Variants in UNC5C observed in about 807,000 individuals in gnomAD.
UNC5C encodes the protein netrin receptor UNC5C.
A neutral mutation model predicts 99.8 loss-of-function variants in UNC5C; 47 were observed. That is an observed-to-expected ratio of 0.47 (90% confidence interval 0.37 to 0.60). UNC5C has a LOEUF of 0.60. UNC5C is among the 20% of genes least tolerant of loss of function. The pLI is 0.00. For missense variants in UNC5C, 1,062 were observed against 1,165.9 expected (o/e 0.91, Z 1.30); for synonymous variants, 487 against 452.2 (o/e 1.08, Z -0.98).
chr4:95,478,747 T>C (rs967019114), intron 1 of UNC5C, among the ~76,000 whole-genome samples: 1 of 152,038 alleles, frequency 6.6e-6, no homozygotes, highest in African/African-American at 2.4e-5. Context: ...TGATATAGTT[T>C]GAATATCTAT....
chr4:95,445,830 G>A lies in UNC5C; in HGVS notation c.124+102904C>T, dbSNP rs190906925. ...AGAAGTAAGTCTTCAGCTGCTCAGTGAAACACAGGTGTTCAGTGCTGGAGC... is the reference window on the plus strand; with the variant it reads ...AGAAGTAAGTCTTCAGCTGCTCAGTAAAACACAGGTGTTCAGTGCTGGAGC... On this transcript the variant is annotated intron_variant, in intron 1 of 15. Transcript: ENST00000453304. Among the ~76,000 whole-genome samples, 199 of 152,252 alleles carry A rather than the reference G, an allele frequency of 1.3e-3. 1 individual carries two copies. Among genetic ancestry groups the A allele is most frequent in the African/African-American group, 4.7e-3 (197 of 41,544 alleles).
intron 1 of UNC5C, among the ~76,000 whole-genome samples, chr4:95,356,226 A>AAAAAAAAAAAAAAAAAAAAC (rs1371053400): frequency 2.1e-5 from 3 of 144,710 alleles, no homozygotes; most frequent in Non-Finnish European, 4.6e-5. Context: ...AACAAAAAAA[A>AAAAAAAAAAAAAAAAAAAAC]AACAGATTCC....
intron 1 of UNC5C, among the ~76,000 whole-genome samples, chr4:95,420,110 A>G (rs1466583322): frequency 2.0e-5 from 3 of 152,196 alleles, no homozygotes; most frequent in African/African-American, 4.8e-5. Context: ...AGCAATTAGT[A>G]TGTGTTAATT....
intron 1 of UNC5C, among the ~76,000 whole-genome samples, chr4:95,543,574 T>C (rs1354636361): frequency 6.6e-6 from 1 of 152,212 alleles, no homozygotes; most frequent in Admixed American, 6.5e-5. Context: ...ATTATGTTCT[T>C]TAGAGTATAT....
rs1735913696 is a variant in UNC5C, at chr4:95,167,747, A to AATC, written c.*1484_*1486dup. On this transcript the variant is annotated 3_prime_UTR_variant, in exon 16 of 16. Coordinates refer to ENST00000453304, the MANE Select transcript of UNC5C (RefSeq NM_003728.4). Reference sequence around the variant, plus strand: ...ACAACATCATAATGCTGGTTAGAATAATCATCTTCCTTGTCAGAACTACTT... The same window carrying AATC: ...ACAACATCATAATGCTGGTTAGAATAATCATCATCTTCCTTGTCAGAACTACTT... The AATC allele has an allele frequency of 6.6e-6, 1 of 152,222 alleles. No homozygotes were observed. Among genetic ancestry groups the AATC allele is most frequent in the African/African-American group, 2.4e-5 (1 of 41,468 alleles). The allele number at this position is 152,222 out of a possible 1,614,324, so 9.4% of individuals were successfully genotyped here. A position where few individuals can be genotyped will look rare whatever the true frequency, so the allele number is the denominator to read the frequency against.
intron 14 of UNC5C, among the ~76,000 whole-genome samples, chr4:95,174,730 G>A (rs576758383): frequency 0.062 from 9,134 of 147,866 alleles, 553 homozygotes; most frequent in African/African-American, 0.16. Context: ...TTGATTTGGG[G>A]TGGAGAGTTC....
chr4:95,301,864 C>A (rs761762118), intron 2 of UNC5C, 115 bp from the exon 3 acceptor site: 86 of 1,288,596 alleles, frequency 6.7e-5, no homozygotes, highest in Non-Finnish European at 8.0e-5. Context: ...GATCAACAAC[C>A]CAGATATTGT....
intron 1 of UNC5C, among the ~76,000 whole-genome samples, chr4:95,501,469 A>G (rs1393052143): frequency 2.0e-5 from 3 of 152,116 alleles, no homozygotes; most frequent in Admixed American, 6.6e-5. Context: ...TTTGTTACTA[A>G]TTAGCTTAAC....
intron 2 of UNC5C, among the ~76,000 whole-genome samples, chr4:95,303,497 G>A (rs776008440): frequency 1.2e-4 from 18 of 152,052 alleles, no homozygotes; most frequent in Admixed American, 4.6e-4. Flanking sequence ...CCAACATGGT[G>A]AAACCCTATC....
intron 1 of UNC5C, among the ~76,000 whole-genome samples, chr4:95,476,087 A>C (rs530886822): frequency 6.6e-6 from 1 of 152,218 alleles, no homozygotes; most frequent in African/African-American, 2.4e-5. Flanking sequence ...TATTCACTCA[A>C]GTCAGTTTGT....
Position 95,165,343 on chromosome 4 carries a change from T to C in UNC5C, c.*3891A>G, listed in dbSNP as rs1735820670. 6.6e-6 allele frequency: 1 copy of C among 152,238 alleles called. No homozygotes were observed. The highest frequency in any genetic ancestry group is 1.5e-5 in the Non-Finnish European group (1 of 68,050). 9.4% of individuals were successfully genotyped at this position (152,238 alleles called of 1,614,324 possible). A position where few individuals can be genotyped will look rare whatever the true frequency, so the allele number is the denominator to read the frequency against. ...TGGCTAATGATTATGCAGTTTGATATTGAACACCTCACCCAAAAGTTGTCC... is the reference window on the plus strand; with the variant it reads ...TGGCTAATGATTATGCAGTTTGATACTGAACACCTCACCCAAAAGTTGTCC... On this transcript the variant is annotated 3_prime_UTR_variant, in exon 16 of 16. Coordinates refer to ENST00000453304, the MANE Select transcript of UNC5C (RefSeq NM_003728.4).
chr4:95,471,034 A>G (rs79464892), intron 1 of UNC5C, among the ~76,000 whole-genome samples: 89 of 151,758 alleles, frequency 5.9e-4, no homozygotes, highest in African/African-American at 2.1e-3. Flanking sequence ...TCCAAGTAAA[A>G]TGAGCCTAAA....
chr4:95,499,780 G>C (rs1289203133), intron 1 of UNC5C, among the ~76,000 whole-genome samples: 1 of 152,062 alleles, frequency 6.6e-6, no homozygotes, highest in African/African-American at 2.4e-5. Context: ...TTGATGTCCG[G>C]TTAGAAGTTG....
intron 1 of UNC5C, among the ~76,000 whole-genome samples, chr4:95,366,725 G>C (rs1744583454): frequency 6.6e-6 from 1 of 152,174 alleles, no homozygotes. Context: ...ATTAAGTCCA[G>C]TCAAACCTAA....
At chr4:95,272,547 C>T (rs967336747) in intron 4 of UNC5C, among the ~76,000 whole-genome samples, 1 of 152,124 alleles carries the variant, frequency 6.6e-6, no homozygotes, top group Admixed American at 6.5e-5. Context: ...TTTTCCCATA[C>T]TTTTTCACCC....
intron 1 of UNC5C, among the ~76,000 whole-genome samples, chr4:95,370,102 T>C (rs1482128080): frequency 6.6e-6 from 1 of 152,184 alleles, no homozygotes; most frequent in Non-Finnish European, 1.5e-5. Context: ...CCAGTAGCCA[T>C]ATGTGGCTAT....
chr4:95,533,064 T>A (rs566482996), intron 1 of UNC5C, among the ~76,000 whole-genome samples: 275 of 152,244 alleles, frequency 1.8e-3, no homozygotes, highest in African/African-American at 6.3e-3. Flanking sequence ...GACATATTTT[T>A]AAAAATATTT....
At chr4:95,348,055 T>C (rs1246575955) in intron 1 of UNC5C, among the ~76,000 whole-genome samples, 2 of 151,842 alleles carry the variant, frequency 1.3e-5, no homozygotes, top group African/African-American at 2.4e-5. Context: ...GCTCAAACTG[T>C]ACAGGAAAAA....
At chr4:95,512,434 C>A (rs966832898) in intron 1 of UNC5C, among the ~76,000 whole-genome samples, 1 of 152,030 alleles carries the variant, frequency 6.6e-6, no homozygotes, top group Non-Finnish European at 1.5e-5. Context: ...AATTGTTTAA[C>A]CCTCTTCTCC....
Sources: allele counts gnomAD v4.1 joint callset (sites outside exome capture counted in the v4.1 genomes callset), GRCh38; gene constraint gnomAD v4.1.1; transcripts MANE v1.5; gene names NCBI Gene and HGNC (gene_info 2026-07-23, HGNC 2026-07-21).